FLI1: variants seen among roughly 807,000 people sequenced by gnomAD.
FLI1 encodes the protein Fli-1 proto-oncogene, ETS transcription factor, also known as Friend leukemia integration 1 transcription factor.
In FLI1, 13 loss-of-function variants were observed where a neutral mutation model predicts 53.1. That is an observed-to-expected ratio of 0.24 (90% confidence interval 0.16 to 0.39). FLI1 has a LOEUF of 0.39. Ranked by LOEUF, FLI1 falls within the 10% of genes least tolerant of loss-of-function variation. The probability of loss-of-function intolerance (pLI) is 1.00; values close to 1 mark genes in which losing one functional copy is unlikely to be tolerated. For missense variants in FLI1, 424 were observed against 600.5 expected, an observed-to-expected ratio of 0.71 and a Z score of 3.07; for synonymous variants, 244 against 236.7, an observed-to-expected ratio of 1.03 and a Z score of -0.28.
rs747391886 is a variant in FLI1 at position 128,768,324 on chromosome 11, G to T, written c.385+52G>T. 4,711 of 1,605,052 alleles carry T rather than the reference G, an allele frequency of 2.9e-3. 17 individuals carry two copies. The highest frequency in any genetic ancestry group is 3.6e-3 in the Non-Finnish European group (4,192 of 1,172,544). ...CGCCATTCACTTCCCCACTCTCTGG[G>T]GGGGCAGGGAGCATCTAAACCTTTA... On this transcript the variant is annotated intron_variant, in intron 3 of 8. Coordinates refer to ENST00000527786, the MANE Select transcript of FLI1 (RefSeq NM_002017.5).
intron 2 of FLI1, among the ~76,000 whole-genome samples, chr11:128,761,290 C>T (rs1240084675): frequency 2.0e-5 from 3 of 152,156 alleles, no homozygotes; most frequent in African/African-American, 7.2e-5. Context: ...TCTACCTGAA[C>T]CTCACCTTTT....
At chr11:128,793,274 C>T (rs1003284502) in intron 5 of FLI1, among the ~76,000 whole-genome samples, 1 of 151,808 alleles carries the variant, frequency 6.6e-6, no homozygotes, top group Non-Finnish European at 1.5e-5. Flanking sequence ...CCCATGGTTC[C>T]CAAGGAGAAG....
chr11:128,695,136 C>T (rs1937997830), intron 1 of FLI1, among the ~76,000 whole-genome samples: 1 of 152,194 alleles, frequency 6.6e-6, no homozygotes, highest in African/African-American at 2.4e-5. Flanking sequence ...CCGCGCCCCG[C>T]GCCCGCCCGG....
At chr11:128,716,324 C>A (rs919008302) in intron 1 of FLI1, among the ~76,000 whole-genome samples, 1 of 152,126 alleles carries the variant, frequency 6.6e-6, no homozygotes, top group African/African-American at 2.4e-5. Context: ...TCCTCAGCAG[C>A]AGGAGAGGGG....
chr11:128,806,940 T>C (rs936013680), intron 6 of FLI1: 6 of 380,034 alleles, frequency 1.6e-5, no homozygotes, highest in Admixed American at 4.5e-5. Flanking sequence ...GTGTTTATTA[T>C]TGTCTCTCCC....
chr11:128,747,517 T>G (rs1940449245), intron 1 of FLI1, among the ~76,000 whole-genome samples: 1 of 152,220 alleles, frequency 6.6e-6, no homozygotes, highest in Non-Finnish European at 1.5e-5. Flanking sequence ...TAATACTTCC[T>G]ACCCATCCGG....
chr11:128,763,140 C>T, intron 2 of FLI1, among the ~76,000 whole-genome samples: 1 of 152,260 alleles, frequency 6.6e-6, no homozygotes. Flanking sequence ...ATTTGTGTCT[C>T]TGGTGGGAAG....
chr11:128,807,666 G>A (rs1489080188), intron 7 of FLI1, among the ~76,000 whole-genome samples: 1 of 152,136 alleles, frequency 6.6e-6, no homozygotes, highest in Admixed American at 6.5e-5. Context: ...AACAATTAAG[G>A]CAGAGGAACT....
intron 5 of FLI1, among the ~76,000 whole-genome samples, chr11:128,792,765 T>TGGAAAACA (rs1354794393): frequency 6.6e-6 from 1 of 152,206 alleles, no homozygotes; most frequent in Non-Finnish European, 1.5e-5. Context: ...ACAAGAGATT[T>TGGAAAACA]AGAAAACAAA....
chr11:128,705,542 C>A (rs1047978950), intron 1 of FLI1, among the ~76,000 whole-genome samples: 1 of 152,008 alleles, frequency 6.6e-6, no homozygotes, highest in East Asian at 1.9e-4. Context: ...TTTTAAAAAA[C>A]ATAACAGATT....
intron 1 of FLI1, among the ~76,000 whole-genome samples, chr11:128,708,961 TA>T (rs1001316077): frequency 1.3e-5 from 2 of 152,178 alleles, no homozygotes; most frequent in African/African-American, 4.8e-5. Context: ...GCTTCTTGCC[TA>T]AAAAAGGTGA....
At position 128,811,944 on chromosome 11, in the gene FLI1, G is replaced by A. The variant is rs1249278354; in HGVS notation, c.*956G>A. The A allele has an allele frequency of 3.0e-5, 6 of 200,062 alleles. No homozygotes were observed. The highest frequency in any genetic ancestry group is 2.3e-5 in the African/African-American group (1 of 43,290). 12.4% of individuals were successfully genotyped at this position (200,062 alleles called of 1,614,324 possible). A position where few individuals can be genotyped will look rare whatever the true frequency, so the allele number is the denominator to read the frequency against. ...CGGTCACAAAAGCAGTTTTACTATCGAATCAATCGCTGTTATTTTTTTTAA... is the reference window on the plus strand; with the variant it reads ...CGGTCACAAAAGCAGTTTTACTATCAAATCAATCGCTGTTATTTTTTTTAA... On this transcript the variant is annotated 3_prime_UTR_variant, in exon 9 of 9. Coordinates refer to ENST00000527786, the MANE Select transcript of FLI1 (RefSeq NM_002017.5).
chr11:128,723,933 A>AGTT (rs1939360238), intron 1 of FLI1, among the ~76,000 whole-genome samples: 2 of 80,996 alleles, frequency 2.5e-5, no homozygotes, highest in Admixed American at 1.4e-4. Context: ...AATGGAGTTG[A>AGTT]TTTTTTTTTT....
At chr11:128,787,869 T>C (rs757764889) in intron 5 of FLI1, among the ~76,000 whole-genome samples, 15 of 148,840 alleles carry the variant, frequency 1.0e-4, no homozygotes, top group South Asian at 8.6e-4. Context: ...TGCGGTGGCG[T>C]GATCTCGGCT....
intron 5 of FLI1, among the ~76,000 whole-genome samples, chr11:128,784,637 G>C (rs962888935): frequency 1.3e-5 from 2 of 152,062 alleles, no homozygotes; most frequent in Non-Finnish European, 2.9e-5. Flanking sequence ...CTGTCTGAAC[G>C]ACCCATCAAG....
intron 1 of FLI1, among the ~76,000 whole-genome samples, chr11:128,736,001 T>C (rs964456697): frequency 6.6e-6 from 1 of 152,190 alleles, no homozygotes; most frequent in Non-Finnish European, 1.5e-5. Context: ...CCTTGTGGTA[T>C]GCAGAGGCCA....
chr11:128,714,765 G>C (rs1371334242), intron 1 of FLI1, among the ~76,000 whole-genome samples: 1 of 140,626 alleles, frequency 7.1e-6, no homozygotes, highest in Non-Finnish European at 1.5e-5. Context: ...CTGGAGTGCA[G>C]TGGTGTAATC....
chr11:128,748,246 C>T (rs1489429123), intron 1 of FLI1: 3 of 984,118 alleles, frequency 3.0e-6, no homozygotes, highest in Non-Finnish European at 2.4e-6. Flanking sequence ...GGAATTCTTT[C>T]TCTGGGTCAT....
At chr11:128,693,422 T>G (rs910749812), upstream of FLI1, 2 of 158,338 alleles carry the variant, frequency 1.3e-5, no homozygotes, top group Non-Finnish European at 2.8e-5. Context: ...TGGATGCACT[T>G]TTTAATGGTT....
Sources: gnomAD v4.1 joint callset for allele counts (sites outside exome capture counted in the v4.1 genomes callset) on GRCh38, gnomAD v4.1.1 for gene constraint, MANE v1.5 for transcripts, NCBI Gene and HGNC (gene_info 2026-07-23, HGNC 2026-07-21) for gene names.